The following SLCO6A1 variants were observed in gnomAD, a reference collection of about 807,000 sequenced individuals.
SLCO6A1 encodes the protein solute carrier organic anion transporter family member 6A1.
SLCO6A1 carries 65 observed loss-of-function variants against 72.7 expected under a neutral mutation model. The observed-to-expected ratio is 0.89, with a 90% CI of 0.73 to 1.10. The LOEUF is 1.10. Ranked by LOEUF, SLCO6A1 falls within the 50% of genes least tolerant of loss-of-function variation. SLCO6A1 has a pLI of 0.00. For missense variants in SLCO6A1, 874 were observed against 872.6 expected, an observed-to-expected ratio of 1.00 and a Z score of -0.02; for synonymous variants, 314 against 298.2, an observed-to-expected ratio of 1.05 and a Z score of -0.55.
At chr5:102,456,453 A>G (rs1238887273) in intron 6 of SLCO6A1, among the ~76,000 whole-genome samples, 2 of 152,200 alleles carry the variant, frequency 1.3e-5, no homozygotes, top group Non-Finnish European at 2.9e-5. Flanking sequence ...GCATTCTTAT[A>G]CACCAGTAAC....
intron 7 of SLCO6A1, among the ~76,000 whole-genome samples, chr5:102,436,332 C>A (rs915509489): frequency 5.3e-5 from 8 of 152,168 alleles, no homozygotes; most frequent in African/African-American, 1.9e-4. Flanking sequence ...ACACCTTCAC[C>A]TGCAAGGGTA....
At chr5:102,464,561 T>C (rs967174577) in intron 4 of SLCO6A1, among the ~76,000 whole-genome samples, 9 of 152,132 alleles carry the variant, frequency 5.9e-5, no homozygotes. Flanking sequence ...GAAATCTGTA[T>C]GGGAAGAGAT....
intron 10 of SLCO6A1, among the ~76,000 whole-genome samples, chr5:102,395,155 G>A (rs1425267467): frequency 6.6e-6 from 1 of 151,868 alleles, no homozygotes; most frequent in African/African-American, 2.4e-5. Context: ...TCGTCATTTA[G>A]CATTAGGTAT....
chr5:102,438,302 G>T (rs750665097), intron 7 of SLCO6A1, among the ~76,000 whole-genome samples: 3 of 151,992 alleles, frequency 2.0e-5, no homozygotes, highest in Non-Finnish European at 2.9e-5. Context: ...AGAAATAGGT[G>T]TATATAGACA....
At position 102,474,915 on chromosome 5, in the gene SLCO6A1, A is replaced by G. The variant is rs547124646; in HGVS notation, c.899+782T>C. Among the ~76,000 whole-genome samples, 6 of 152,132 alleles carry G rather than the reference A, an allele frequency of 3.9e-5. No individual in the cohort carries two copies. The East Asian group carries it at 9.6e-4, about 24-fold the overall frequency. On this transcript the variant is annotated intron_variant, in intron 4 of 13. Coordinates refer to ENST00000506729, the MANE Select transcript of SLCO6A1 (RefSeq NM_173488.5). ...ATCAGAAAAACAAACAAACAAACAA[A>G]CAGAAAAAACAAACAAAACAGTATT...
intron 13 of SLCO6A1, among the ~76,000 whole-genome samples, chr5:102,372,461 C>T (rs1431624576): frequency 6.6e-6 from 1 of 151,696 alleles, no homozygotes; most frequent in South Asian, 2.1e-4. Context: ...AATCTAATTT[C>T]GATTGATGTA....
intron 12 of SLCO6A1, among the ~76,000 whole-genome samples, chr5:102,377,719 T>C (rs967084676): frequency 2.6e-5 from 4 of 151,918 alleles, no homozygotes; most frequent in Non-Finnish European, 5.9e-5. Flanking sequence ...TCACCCAGGC[T>C]GGAGTGCAGG....
intron 6 of SLCO6A1, among the ~76,000 whole-genome samples, chr5:102,448,150 G>A (rs934970801): frequency 1.3e-5 from 2 of 152,184 alleles, no homozygotes; most frequent in African/African-American, 2.4e-5. Flanking sequence ...CTCAGGAGCA[G>A]ACTATTTAAT....
At chr5:102,401,060 TG>T (rs144409177) in intron 9 of SLCO6A1, among the ~76,000 whole-genome samples, 2 of 151,640 alleles carry the variant, frequency 1.3e-5, no homozygotes, top group African/African-American at 4.8e-5. Context: ...CAGGGAATAT[TG>T]GGGGGGTTAT....
intron 7 of SLCO6A1, among the ~76,000 whole-genome samples, chr5:102,437,682 A>T (rs1749618109): frequency 6.6e-6 from 1 of 152,110 alleles, no homozygotes; most frequent in African/African-American, 2.4e-5. Flanking sequence ...ACTCCATAAA[A>T]GGTTTAGATT....
intron 1 of SLCO6A1, among the ~76,000 whole-genome samples, chr5:102,483,991 A>C (rs1752329098): frequency 6.6e-6 from 1 of 152,220 alleles, no homozygotes; most frequent in Non-Finnish European, 1.5e-5. Context: ...GTTTCTTATG[A>C]AACTAGGAGA....
intron 11 of SLCO6A1, among the ~76,000 whole-genome samples, chr5:102,390,297 A>G (rs1746684195): frequency 6.6e-6 from 1 of 152,172 alleles, no homozygotes; most frequent in Non-Finnish European, 1.5e-5. Flanking sequence ...TCATTGTCCA[A>G]AACAAAAATA....
intron 12 of SLCO6A1, among the ~76,000 whole-genome samples, chr5:102,387,525 T>C (rs569776005): frequency 6.6e-6 from 1 of 152,312 alleles, no homozygotes; most frequent in African/African-American, 2.4e-5. Context: ...CTCTAACAAG[T>C]TAATTTTGAC....
At chr5:102,395,087 C>A (rs149204440) in intron 10 of SLCO6A1, among the ~76,000 whole-genome samples, 1 of 151,866 alleles carries the variant, frequency 6.6e-6, no homozygotes, top group Non-Finnish European at 1.5e-5. Flanking sequence ...ATGTGCACAA[C>A]GTGCAGGTTA....
chr5:102,411,609 T>A (rs975838863), intron 9 of SLCO6A1, among the ~76,000 whole-genome samples: 4 of 151,442 alleles, frequency 2.6e-5, no homozygotes, highest in African/African-American at 7.3e-5. Flanking sequence ...TTTTTTTTTT[T>A]AAATCTTGCC....
intron 7 of SLCO6A1, among the ~76,000 whole-genome samples, chr5:102,423,514 CA>C (rs1416625306): frequency 6.6e-5 from 10 of 151,910 alleles, no homozygotes; most frequent in African/African-American, 1.9e-4. Context: ...CAACAAAGAT[CA>C]AAAAAGCCAA....
Position 102,446,914 on chromosome 5 carries a change from C to T in SLCO6A1, c.1132-8153G>A, listed in dbSNP as rs116142982. 8.2e-3 allele frequency among the ~76,000 whole-genome samples: 1,254 copies of T among 152,150 alleles called. 12 individuals are homozygous for T. The highest frequency in any genetic ancestry group is 0.015 in the Non-Finnish European group (1,004 of 67,994). On this transcript the variant is annotated intron_variant, in intron 6 of 13. Coordinates refer to ENST00000506729, the MANE Select transcript of SLCO6A1 (RefSeq NM_173488.5). The stretch of plus-strand genomic sequence containing the variant: ...GGATTACAGGCACCCACCACTATGC[C>T]CTGCTAATTTTTTGTATTTTGGTAG...
In SLCO6A1 at chr5:102,477,785, G is replaced by T. The variant is rs763568665; in HGVS notation, c.693C>A (p.Phe231Leu). 19 of 1,613,526 alleles carry T rather than the reference G, an allele frequency of 1.2e-5. No homozygotes were observed. The Admixed American group carries it at 3.2e-4, about 27-fold the overall frequency. Residue 231 changes from phenylalanine (F) to leucine (L), a missense_variant, in exon 3 of 14, where the codon TTC becomes TTA. Transcript: ENST00000506729. The part of the protein sequence containing the change: ...GISFQSKYLS[F>L]FILGQTVQGI... ...CCTGCACAGTCTGCCCAAGGATGAA[G>T]AAAGACAGGTATTTTGATTGGAATG... is the stretch of plus-strand genomic sequence containing the variant.
rs368005385 is a variant in SLCO6A1 at position 102,485,639 on chromosome 5, C to T, written c.359-5205G>A. ...TATTACACGTGTTGGGAGAAATAAG[C>T]ATGTCCATGTGATTCCACTGGGAGA... On this transcript the variant is annotated intron_variant, in intron 1 of 13. Coordinates refer to ENST00000506729, the MANE Select transcript of SLCO6A1 (RefSeq NM_173488.5). Among the ~76,000 whole-genome samples, 191 of 152,328 alleles carry T rather than the reference C, an allele frequency of 1.3e-3. 1 individual carries two copies. In the Middle Eastern group the frequency reaches 0.014, roughly 11 times the overall value.
Sources: gnomAD v4.1 joint callset for allele counts (sites outside exome capture counted in the v4.1 genomes callset) on GRCh38, gnomAD v4.1.1 for gene constraint, MANE v1.5 for transcripts, NCBI Gene and HGNC (gene_info 2026-07-23, HGNC 2026-07-21) for gene names.